Variants in PRORP observed in about 807,000 individuals in gnomAD.
PRORP encodes mitochondrial ribonuclease P catalytic subunit.
In PRORP, 51 loss-of-function variants were observed where a neutral mutation model predicts 59.4. The ratio of observed to expected loss-of-function variants is 0.86; its 90% CI spans 0.69 to 1.08. The LOEUF (loss-of-function observed/expected upper bound fraction) is 1.08. Among genes scored for constraint, PRORP ranks in the 50% least tolerant of loss-of-function variants. The probability of loss-of-function intolerance (pLI) is 0.00; values close to 1 mark genes in which losing one functional copy is unlikely to be tolerated. For missense variants in PRORP, 646 were observed against 690.3 expected, an observed-to-expected ratio of 0.94 and a Z score of 0.72; for synonymous variants, 231 against 245.6, an observed-to-expected ratio of 0.94 and a Z score of 0.55.
At chr14:35,142,570 G>A (rs1260717412) in intron 4 of PRORP, among the ~76,000 whole-genome samples, 1 of 143,408 alleles carries the variant, frequency 7.0e-6, no homozygotes, top group Non-Finnish European at 1.5e-5. Context: ...CATTGGGCTT[G>A]GTGGCTCACA....
chr14:35,239,860 C>T (rs899233825), intron 5 of PRORP, among the ~76,000 whole-genome samples: 7 of 152,118 alleles, frequency 4.6e-5, no homozygotes, highest in South Asian at 2.1e-4. Context: ...AGATCACCTG[C>T]GGTCAAGAGT....
chr14:35,265,951 G>T (rs1174226390), intron 5 of PRORP, among the ~76,000 whole-genome samples: 1 of 148,228 alleles, frequency 6.7e-6, no homozygotes. Flanking sequence ...CAAGGCAGGA[G>T]AATTTCTTGA....
chr14:35,254,564 G>A (rs2050700051), intron 5 of PRORP, among the ~76,000 whole-genome samples: 1 of 152,040 alleles, frequency 6.6e-6, no homozygotes, highest in African/African-American at 2.4e-5. Flanking sequence ...AGCTAATTTT[G>A]TATTTTTAGT....
intron 5 of PRORP, among the ~76,000 whole-genome samples, chr14:35,251,409 T>G (rs2050609932): frequency 6.6e-6 from 1 of 152,206 alleles, no homozygotes; most frequent in African/African-American, 2.4e-5. Context: ...CTAATTTCTC[T>G]TTCCTTTACC....
At chr14:35,165,836 C>A (rs573017084) in intron 4 of PRORP, among the ~76,000 whole-genome samples, 1 of 152,046 alleles carries the variant, frequency 6.6e-6, no homozygotes, top group Non-Finnish European at 1.5e-5. Flanking sequence ...CCTGCCACTA[C>A]GCCCAGCTAA....
intron 5 of PRORP, among the ~76,000 whole-genome samples, chr14:35,233,556 A>G (rs2050135348): frequency 6.8e-6 from 1 of 147,478 alleles, no homozygotes; most frequent in Non-Finnish European, 1.5e-5. Context: ...CAAGGGTGGA[A>G]GAGGATTTTG....
At chr14:35,183,787 C>T (rs560505858) in intron 5 of PRORP, among the ~76,000 whole-genome samples, 15 of 152,198 alleles carry the variant, frequency 9.9e-5, no homozygotes, top group Admixed American at 2.6e-4. Flanking sequence ...GCCATGAGTC[C>T]GCTAAGTGAA....
In PRORP at chr14:35,123,926, A is replaced by G. The variant is rs776838397; in HGVS notation, c.681A>G (p.Arg227=). ...GATTGATCCATTCAGACAGATGGAG[A>G]GAAGCATTGTTGCTGTTAGAGGACA... ...IRGLIHSDRW[R]EALLLLEDIK... Residue 227 remains arginine, a synonymous_variant, in exon 2 of 8, where the codon AGA becomes AGG. Coordinates refer to ENST00000534898, the MANE Select transcript of PRORP (RefSeq NM_014672.4). The G allele has an allele frequency of 1.5e-5, 25 of 1,614,168 alleles. No individual in the cohort carries two copies. Among genetic ancestry groups the G allele is most frequent in the Non-Finnish European group, 2.1e-5 (25 of 1,180,016 alleles).
chr14:35,186,509 C>T (rs981917042), intron 5 of PRORP, among the ~76,000 whole-genome samples: 3 of 151,980 alleles, frequency 2.0e-5, no homozygotes, highest in Admixed American at 6.6e-5. Flanking sequence ...GCCTCATACC[C>T]ATTAGCACTA....
chr14:35,229,907 T>C (rs2050029511), intron 5 of PRORP, among the ~76,000 whole-genome samples: 1 of 149,152 alleles, frequency 6.7e-6, no homozygotes. Flanking sequence ...AGAAATCACA[T>C]GTTACACAAT....
rs761804328 is a variant in PRORP at position 35,180,827 on chromosome 14, A to T, written c.1275+50A>T. 14 of 1,217,592 alleles carry T rather than the reference A, an allele frequency of 1.1e-5. No homozygotes were observed. In the East Asian group the frequency reaches 1.9e-4, roughly 16 times the overall value. The allele number at this position is 1,217,592 out of a possible 1,614,324, so 75.4% of individuals were successfully genotyped here. A position where few individuals can be genotyped will look rare whatever the true frequency, so the allele number is the denominator to read the frequency against. ...TTCCACATCTCTAGAAATATTTATT[A>T]TACCCATTTATGACCTTCTTGGGGC... On this transcript the variant is annotated intron_variant, in intron 5 of 7. Coordinates refer to ENST00000534898, the MANE Select transcript of PRORP (RefSeq NM_014672.4).
intron 5 of PRORP, among the ~76,000 whole-genome samples, chr14:35,256,336 T>G (rs1232092459): frequency 7.5e-6 from 1 of 133,114 alleles, no homozygotes; most frequent in Non-Finnish European, 1.6e-5. Context: ...CTTTTTTTTT[T>G]TTTTTTTTTT....
chr14:35,224,919 G>A (rs1053428507), intron 5 of PRORP, among the ~76,000 whole-genome samples: 2 of 151,960 alleles, frequency 1.3e-5, no homozygotes, highest in African/African-American at 4.8e-5. Flanking sequence ...TTCTGGGATT[G>A]TGGAAAGTTT....
chr14:35,163,044 T>C (rs896710129), intron 4 of PRORP, among the ~76,000 whole-genome samples: 2 of 152,162 alleles, frequency 1.3e-5, no homozygotes, highest in Non-Finnish European at 2.9e-5. Context: ...TTATGATATA[T>C]CTAATATCTA....
At chr14:35,185,401 C>T (rs1185645952) in intron 5 of PRORP, among the ~76,000 whole-genome samples, 1 of 151,918 alleles carries the variant, frequency 6.6e-6, no homozygotes, top group Non-Finnish European at 1.5e-5. Flanking sequence ...TAGTTTTAAC[C>T]TAAATCTTAA....
chr14:35,267,085 C>CATCT (rs781180282), intron 6 of PRORP, among the ~76,000 whole-genome samples: 41 of 149,916 alleles, frequency 2.7e-4, no homozygotes, highest in Non-Finnish European at 5.0e-4. Flanking sequence ...TAAACTTAAA[C>CATCT]AGATGAGGAA....
chr14:35,245,180 G>T (rs2050454226), intron 5 of PRORP, among the ~76,000 whole-genome samples: 1 of 152,180 alleles, frequency 6.6e-6, no homozygotes, highest in South Asian at 2.1e-4. Flanking sequence ...ACTCACCATG[G>T]CTTTCCTCCA....
chr14:35,145,771 T>C (rs1260465987), intron 4 of PRORP, among the ~76,000 whole-genome samples: 11 of 142,668 alleles, frequency 7.7e-5, no homozygotes, highest in African/African-American at 2.7e-4. Context: ...CAGCCCACCA[T>C]GATCCATTCA....
intron 5 of PRORP, among the ~76,000 whole-genome samples, chr14:35,186,620 G>A (rs1256045303): frequency 6.6e-6 from 1 of 150,380 alleles, no homozygotes; most frequent in African/African-American, 2.4e-5. Flanking sequence ...TTTTGAGACA[G>A]GTACTTGTGT....
Sources: allele counts gnomAD v4.1 joint callset (sites outside exome capture counted in the v4.1 genomes callset), GRCh38; gene constraint gnomAD v4.1.1; transcripts MANE v1.5; gene names NCBI Gene and HGNC (gene_info 2026-07-23, HGNC 2026-07-21).